Variants in AP3B1 observed in about 807,000 individuals in gnomAD.
AP3B1 encodes adaptor related protein complex 3 subunit beta 1.
In AP3B1, 61 loss-of-function variants were observed where a neutral mutation model predicts 132.5. That is an observed-to-expected ratio of 0.46 (90% CI 0.37 to 0.57). AP3B1 has a LOEUF of 0.57. Among genes scored for constraint, AP3B1 ranks in the 20% least tolerant of loss-of-function variants. AP3B1 has a pLI of 0.00. For synonymous variants in AP3B1, 388 were observed against 438.3 expected (o/e 0.89, Z 1.43); for missense variants, 1,120 against 1,289.4 (o/e 0.87, Z 2.01).
chr5:78,156,243 T>C lies in AP3B1; in HGVS notation c.1473+15A>G. 1 of 1,562,406 alleles carries C rather than the reference T, an allele frequency of 6.4e-7. No homozygotes were observed. On this transcript the variant is annotated intron_variant, in intron 14 of 26. Coordinates refer to ENST00000255194, the MANE Select transcript of AP3B1 (RefSeq NM_003664.5). ...CTGAATAAAATTCAGCAAACATCTC[T>C]TAATTGATACTCACAGTGATACTGT...
chr5:78,195,772 A>C (rs1390685712), intron 7 of AP3B1, among the ~76,000 whole-genome samples: 2 of 152,156 alleles, frequency 1.3e-5, no homozygotes, highest in Admixed American at 1.3e-4. Flanking sequence ...CTGAGCTGAG[A>C]TCATGCCACT....
At chr5:78,020,944 CCAAA>C (rs763689120) in intron 24 of AP3B1, among the ~76,000 whole-genome samples, 155 bp from the exon 25 acceptor site, 25 of 151,648 alleles carry the variant, frequency 1.6e-4, no homozygotes, top group Admixed American at 1.2e-3. Context: ...AAACATTTTC[CCAAA>C]CAAACAACAT....
At chr5:78,101,826 T>C (rs1751138676) in intron 20 of AP3B1, among the ~76,000 whole-genome samples, 1 of 152,066 alleles carries the variant, frequency 6.6e-6, no homozygotes, top group Non-Finnish European at 1.5e-5. Flanking sequence ...ATTAAGTGCA[T>C]TACAAACAAC....
At chr5:78,267,638 A>G in intron 1 of AP3B1, 43 bp from the exon 2 acceptor site, 4 of 1,156,814 alleles carry the variant, frequency 3.5e-6, no homozygotes, top group Non-Finnish European at 5.2e-6. Context: ...TTTGATTTTT[A>G]TATTAGATAG....
At chr5:78,074,085 T>G (rs988805185) in intron 22 of AP3B1, among the ~76,000 whole-genome samples, 6 of 152,160 alleles carry the variant, frequency 3.9e-5, no homozygotes, top group Non-Finnish European at 5.9e-5. Context: ...ATCCGCCAGT[T>G]AGGACAAACT....
rs886060767 is a variant in AP3B1 at position 78,002,342 on chromosome 5, GTTTA to G, written c.*556_*559del. The G allele has an allele frequency of 1.2e-4, 42 of 353,476 alleles. No individual in the cohort carries two copies. Among genetic ancestry groups the G allele is most frequent in the South Asian group, 5.9e-4 (4 of 6,742 alleles). 21.9% of individuals were successfully genotyped at this position (353,476 alleles called of 1,614,324 possible). A position where few individuals can be genotyped will look rare whatever the true frequency, so the allele number is the denominator to read the frequency against. On this transcript the variant is annotated 3_prime_UTR_variant, in exon 27 of 27. Coordinates refer to ENST00000255194, the MANE Select transcript of AP3B1 (RefSeq NM_003664.5). ...AAAGACAAATATGATTCATATGCTA[GTTTA>G]TTTATCTTATTATTGAGAGATAATT...
At chr5:78,129,711 G>T (rs564149788) in intron 15 of AP3B1, among the ~76,000 whole-genome samples, 1 of 152,224 alleles carries the variant, frequency 6.6e-6, no homozygotes, top group South Asian at 2.1e-4. Flanking sequence ...GAAAGTATTA[G>T]GGGGCTGGCA....
chr5:78,181,711 C>T (rs1164919193), intron 7 of AP3B1, 49 bp from the exon 8 acceptor site: 1 of 1,550,086 alleles, frequency 6.5e-7, no homozygotes, highest in Non-Finnish European at 8.8e-7. Context: ...CTTGAGCAAT[C>T]TGCATATTAT....
chr5:78,230,549 TA>T (rs1446482126), intron 3 of AP3B1, among the ~76,000 whole-genome samples: 1 of 152,218 alleles, frequency 6.6e-6, no homozygotes, highest in Non-Finnish European at 1.5e-5. Flanking sequence ...ATACAGTTTA[TA>T]ATCTGTTCGA....
chr5:78,006,287 A>C (rs1012472876), intron 26 of AP3B1, among the ~76,000 whole-genome samples: 6 of 152,194 alleles, frequency 3.9e-5, no homozygotes, highest in Non-Finnish European at 5.9e-5. Flanking sequence ...CAGGTCACAC[A>C]AATTATCTTC....
At chr5:78,212,881 T>C (rs1469019091) in intron 7 of AP3B1, among the ~76,000 whole-genome samples, 1 of 152,040 alleles carries the variant, frequency 6.6e-6, no homozygotes, top group Non-Finnish European at 1.5e-5. Flanking sequence ...CAACTTCTTT[T>C]ATTTTTATTT....
In AP3B1 at chr5:78,052,230, A is replaced by G. The variant is rs185482648; in HGVS notation, c.2578-12956T>C. Among the ~76,000 whole-genome samples the G allele has an allele frequency of 7.5e-3, 1,137 of 152,242 alleles. 14 individuals are homozygous for G. Among genetic ancestry groups the G allele is most frequent in the Non-Finnish European group, 9.1e-3 (616 of 67,992 alleles). Reference sequence around the variant, plus strand: ...ATCACTATACATTATAAAGCACACAAGACTTTCTCACCTCTTATTTTGGTA... The same window carrying G: ...ATCACTATACATTATAAAGCACACAGGACTTTCTCACCTCTTATTTTGGTA... On this transcript the variant is annotated intron_variant, in intron 22 of 26. Coordinates refer to ENST00000255194, the MANE Select transcript of AP3B1 (RefSeq NM_003664.5).
chr5:78,127,956 T>C, intron 17 of AP3B1, 74 bp downstream of exon 17: 2 of 1,563,878 alleles, frequency 1.3e-6, no homozygotes, highest in Non-Finnish European at 1.8e-6. Context: ...CCAAAAAAGC[T>C]TTTATATAAA....
intron 22 of AP3B1, among the ~76,000 whole-genome samples, chr5:78,050,831 T>A (rs377490166): frequency 2.6e-5 from 4 of 152,160 alleles, no homozygotes; most frequent in Non-Finnish European, 4.4e-5. Flanking sequence ...AAGCAAATGA[T>A]ATAGGTCATC....
intron 22 of AP3B1, among the ~76,000 whole-genome samples, chr5:78,056,759 G>A (rs1268929382): frequency 1.3e-5 from 2 of 152,166 alleles, no homozygotes; most frequent in Non-Finnish European, 2.9e-5. Context: ...ACTGAGGGAG[G>A]AAGGGACTAT....
intron 18 of AP3B1, among the ~76,000 whole-genome samples, chr5:78,114,277 A>G (rs1751727090): frequency 1.3e-5 from 2 of 152,146 alleles, no homozygotes; most frequent in South Asian, 4.1e-4. Context: ...TGTAAGGCTA[A>G]AGAAATAATT....
intron 22 of AP3B1, among the ~76,000 whole-genome samples, chr5:78,077,878 C>G (rs531258998): frequency 6.6e-6 from 1 of 152,188 alleles, no homozygotes; most frequent in Non-Finnish European, 1.5e-5. Context: ...TAACACGCTG[C>G]TCTATGACTC....
chr5:78,114,103 A>C (rs1751719872), intron 18 of AP3B1, among the ~76,000 whole-genome samples, 180 bp from the exon 19 acceptor site: 1 of 152,184 alleles, frequency 6.6e-6, no homozygotes, highest in Non-Finnish European at 1.5e-5. Flanking sequence ...TTCCTTTAGC[A>C]CTGTGAGCTT....
At chr5:78,020,218 A>C (rs1192137070) in intron 25 of AP3B1, among the ~76,000 whole-genome samples, 4 of 152,174 alleles carry the variant, frequency 2.6e-5, no homozygotes, top group Admixed American at 6.6e-5. Context: ...AGAAACTAGA[A>C]GTATTTTAAT....
Sources: allele counts gnomAD v4.1 joint callset (sites outside exome capture counted in the v4.1 genomes callset), GRCh38; gene constraint gnomAD v4.1.1; transcripts MANE v1.5; gene names NCBI Gene and HGNC (gene_info 2026-07-23, HGNC 2026-07-21).